The following SLC16A7 variants were observed in gnomAD, a reference collection of about 807,000 sequenced individuals.
SLC16A7 encodes solute carrier family 16 member 7.
In SLC16A7, 33 loss-of-function variants were observed where a neutral mutation model predicts 34.9. The observed-to-expected ratio is 0.94, with a 90% CI of 0.72 to 1.26. SLC16A7 has a LOEUF of 1.26. Among genes scored for constraint, SLC16A7 ranks in the 50% most tolerant of loss-of-function variants. The probability of loss-of-function intolerance (pLI) is 0.00; values close to 1 mark genes in which losing one functional copy is unlikely to be tolerated. For missense variants in SLC16A7, 573 were observed against 578.1 expected, an observed-to-expected ratio of 0.99 and a Z score of 0.09; for synonymous variants, 201 against 206.6, an observed-to-expected ratio of 0.97 and a Z score of 0.23.
At position 59,774,721 on chromosome 12, in the gene SLC16A7, G is replaced by A; in HGVS notation, c.426G>A (p.Lys142=). The A allele has an allele frequency of 6.2e-7, 1 of 1,613,208 alleles. No individual in the cohort carries two copies. Among genetic ancestry groups the A allele is most frequent in the Non-Finnish European group, 8.5e-7 (1 of 1,179,700 alleles). Reference sequence around the variant, plus strand: ...TAATTGGCAAATACTTCTATAGGAAGCGACCCATGGCAAATGGATTGGCCA... The same window carrying A: ...TAATTGGCAAATACTTCTATAGGAAACGACCCATGGCAAATGGATTGGCCA... ...LTIIGKYFYR[K]RPMANGLAMA... is the part of the protein sequence containing the mutation. Residue 142 remains lysine (K), a synonymous_variant, in exon 5 of 6, where the codon AAG becomes AAA. Coordinates refer to ENST00000547379, the MANE Select transcript of SLC16A7 (RefSeq NM_001270623.2).
chr12:59,625,950 T>C (rs1565622819), intron 1 of SLC16A7, among the ~76,000 whole-genome samples: 1 of 151,828 alleles, frequency 6.6e-6, no homozygotes, highest in South Asian at 2.1e-4. Flanking sequence ...AAGGAGCAGA[T>C]TTTTTCCAAA....
At chr12:59,631,951 GAAAT>G (rs1259186915) in intron 1 of SLC16A7, among the ~76,000 whole-genome samples, 1 of 151,866 alleles carries the variant, frequency 6.6e-6, no homozygotes, top group Non-Finnish European at 1.5e-5. Context: ...GGGGTGGGAA[GAAAT>G]AAATAAGCAA....
Position 59,779,829 on chromosome 12 carries a change from A to C in SLC16A7, c.*150A>C. The C allele has an allele frequency of 1.6e-6, 1 of 607,676 alleles. No homozygotes were observed. Among genetic ancestry groups the C allele is most frequent in the Non-Finnish European group, 2.8e-6 (1 of 360,472 alleles). 37.6% of individuals were successfully genotyped at this position (607,676 alleles called of 1,614,324 possible). On this transcript the variant is annotated 3_prime_UTR_variant, in exon 6 of 6. Coordinates refer to ENST00000547379, the MANE Select transcript of SLC16A7 (RefSeq NM_001270623.2). ...GATATTTTCCTCAATGGCAAATTTT[A>C]AATTAGTTTTTAAAAACTTACTTAT...
At chr12:59,604,153 G>C (rs930425740) in intron 1 of SLC16A7, among the ~76,000 whole-genome samples, 1 of 152,206 alleles carries the variant, frequency 6.6e-6, no homozygotes, top group African/African-American at 2.4e-5. Context: ...CAAATGCATA[G>C]AATACTTCAA....
chr12:59,609,242 A>G (rs1040915807), intron 1 of SLC16A7, among the ~76,000 whole-genome samples: 2 of 152,222 alleles, frequency 1.3e-5, no homozygotes, highest in African/African-American at 4.8e-5. Flanking sequence ...AGGGAATTCA[A>G]TAGGCTTGAA....
intron 2 of SLC16A7, among the ~76,000 whole-genome samples, chr12:59,691,772 C>G (rs145349233): frequency 1.3e-5 from 2 of 152,070 alleles, no homozygotes; most frequent in East Asian, 1.9e-4. Flanking sequence ...GATATTAACA[C>G]TTTTTATGAA....
intron 5 of SLC16A7, 129 bp from the exon 6 acceptor site, chr12:59,779,294 T>A (rs1351205959): frequency 7.2e-6 from 5 of 696,470 alleles, no homozygotes; most frequent in Non-Finnish European, 1.1e-5. Flanking sequence ...TAGATTTTTT[T>A]ATTTTTAAAG....
At chr12:59,669,279 C>G (rs976876153) in intron 2 of SLC16A7, among the ~76,000 whole-genome samples, 1 of 152,122 alleles carries the variant, frequency 6.6e-6, no homozygotes, top group African/African-American at 2.4e-5. Context: ...AATCCACATA[C>G]AATTTGAAGA....
chr12:59,757,985 C>A (rs1880584145), intron 3 of SLC16A7, among the ~76,000 whole-genome samples: 1 of 151,950 alleles, frequency 6.6e-6, no homozygotes, highest in South Asian at 2.1e-4. Flanking sequence ...AGTTTTTTAG[C>A]CATTTTAGCT....
At chr12:59,608,304 T>C (rs1156402985) in intron 1 of SLC16A7, among the ~76,000 whole-genome samples, 1 of 152,188 alleles carries the variant, frequency 6.6e-6, no homozygotes, top group Non-Finnish European at 1.5e-5. Context: ...GATGTAACAA[T>C]AAAGTGCTTG....
chr12:59,651,510 T>G (rs1028494434), intron 1 of SLC16A7, among the ~76,000 whole-genome samples: 1 of 152,208 alleles, frequency 6.6e-6, no homozygotes, highest in Non-Finnish European at 1.5e-5. Flanking sequence ...TACAGTTATA[T>G]ACATGTAGCT....
In SLC16A7 at chr12:59,779,701, C is replaced by A; in HGVS notation, c.*22C>A. The A allele has an allele frequency of 6.3e-7, 1 of 1,583,406 alleles. No individual in the cohort carries two copies. On this transcript the variant is annotated 3_prime_UTR_variant, in exon 6 of 6. Transcript: ENST00000547379. ...TTAACAAGAATCACATCTCTGATTTCAGTGTTTATGACTTTATCTAGGAGT... is the reference window on the plus strand; with the variant it reads ...TTAACAAGAATCACATCTCTGATTTAAGTGTTTATGACTTTATCTAGGAGT...
intron 2 of SLC16A7, among the ~76,000 whole-genome samples, chr12:59,675,964 C>T (rs970948337): frequency 3.9e-5 from 6 of 152,022 alleles, no homozygotes; most frequent in Non-Finnish European, 7.4e-5. Context: ...TTTAAATCTT[C>T]CTTCACATAA....
intron 1 of SLC16A7, among the ~76,000 whole-genome samples, chr12:59,647,383 C>G (rs1354009767): frequency 6.6e-6 from 1 of 152,172 alleles, no homozygotes; most frequent in African/African-American, 2.4e-5. Context: ...GTTCAGCTCT[C>G]ATTCTTCTCC....
intron 3 of SLC16A7, chr12:59,768,952 C>G (rs113116127): frequency 6.6e-6 from 1 of 152,322 alleles, no homozygotes; most frequent in Admixed American, 6.6e-5. Context: ...GAGCTATGAT[C>G]GATCCACTGC....
chr12:59,631,551 A>T (rs944914137), intron 1 of SLC16A7, among the ~76,000 whole-genome samples: 1 of 151,984 alleles, frequency 6.6e-6, no homozygotes, highest in African/African-American at 2.4e-5. Flanking sequence ...TTTTTATTTC[A>T]TTTTAAGTTC....
intron 1 of SLC16A7, among the ~76,000 whole-genome samples, chr12:59,629,147 A>G (rs1025822119): frequency 5.3e-5 from 8 of 151,786 alleles, no homozygotes. Flanking sequence ...AAGGACATTA[A>G]TCTCATTATG....
chr12:59,671,773 G>A (rs1459568841), intron 2 of SLC16A7, among the ~76,000 whole-genome samples: 1 of 138,070 alleles, frequency 7.2e-6, no homozygotes, highest in East Asian at 2.1e-4. Context: ...GTATATATGT[G>A]TATATATATG....
In SLC16A7 at chr12:59,632,270, G is replaced by A. The variant is rs146708845; in HGVS notation, c.-129-22882G>A. Among the ~76,000 whole-genome samples the A allele has an allele frequency of 2.1e-3, 324 of 152,078 alleles. 1 individual carries two copies. Among genetic ancestry groups the A allele is most frequent in the Middle Eastern group, 0.017 (5 of 294 alleles). Reference sequence around the variant, plus strand: ...TTGACTTTTATGCACTTTTAACAAAGTATGATTTTAGATTTGTTACTTAAA... The same window carrying A: ...TTGACTTTTATGCACTTTTAACAAAATATGATTTTAGATTTGTTACTTAAA... On this transcript the variant is annotated intron_variant, in intron 1 of 5. Transcript: ENST00000547379.
Sources: gnomAD v4.1 joint callset for allele counts (sites outside exome capture counted in the v4.1 genomes callset) on GRCh38, gnomAD v4.1.1 for gene constraint, MANE v1.5 for transcripts, NCBI Gene and HGNC (gene_info 2026-07-23, HGNC 2026-07-21) for gene names.